The following NR6A1 variants were observed in gnomAD, a reference collection of about 807,000 sequenced individuals.
NR6A1 encodes retinoic acid receptor-related testis-associated receptor.
Under a neutral mutation model 59.1 loss-of-function variants are expected in NR6A1, and 7 were observed. That is an observed-to-expected ratio of 0.12 (90% CI 0.07 to 0.22). NR6A1 has a LOEUF of 0.22. Ranked by LOEUF, NR6A1 falls within the 10% of genes least tolerant of loss-of-function variation. NR6A1 has a pLI of 1.00. For missense variants in NR6A1, 468 were observed against 611.6 expected (o/e 0.77, Z 2.48); for synonymous variants, 243 against 236.1 (o/e 1.03, Z -0.27).
chr9:124,597,005 A>C (rs546456218), intron 2 of NR6A1, among the ~76,000 whole-genome samples: 54 of 152,338 alleles, frequency 3.5e-4, no homozygotes, highest in African/African-American at 1.3e-3. Context: ...CACACTTTAC[A>C]GCTGTATTCC....
At chr9:124,527,390 T>C (rs1564164061) in intron 7 of NR6A1, among the ~76,000 whole-genome samples, 1 of 152,256 alleles carries the variant, frequency 6.6e-6, no homozygotes, top group Non-Finnish European at 1.5e-5. Context: ...TGTATTTGCT[T>C]GTGTTAACTG....
chr9:124,716,437 TTAA>T (rs1331077363), intron 2 of NR6A1, among the ~76,000 whole-genome samples: 2 of 152,198 alleles, frequency 1.3e-5, no homozygotes, highest in Non-Finnish European at 2.9e-5. Context: ...ACAGAAAATG[TTAA>T]TCATAAATTA....
At chr9:124,566,409 AAAT>A (rs1276489046) in intron 2 of NR6A1, among the ~76,000 whole-genome samples, 1 of 152,232 alleles carries the variant, frequency 6.6e-6, no homozygotes, top group African/African-American at 2.4e-5. Flanking sequence ...AAAAAGCTGA[AAAT>A]AAAACACAGC....
chr9:124,639,133 T>C (rs1337976689), intron 2 of NR6A1, among the ~76,000 whole-genome samples: 2 of 152,194 alleles, frequency 1.3e-5, no homozygotes, highest in African/African-American at 4.8e-5. Flanking sequence ...AGTACTATTA[T>C]ATTTCTAGAT....
At chr9:124,585,700 A>G (rs115649623) in intron 2 of NR6A1, among the ~76,000 whole-genome samples, 1,572 of 152,252 alleles carry the variant, frequency 0.01, 27 homozygotes, top group African/African-American at 0.036. Flanking sequence ...AGAAGACACC[A>G]TCTACGGGCT....
intron 2 of NR6A1, among the ~76,000 whole-genome samples, chr9:124,596,278 A>G (rs1378758971): frequency 2.0e-5 from 3 of 151,872 alleles, no homozygotes; most frequent in African/African-American, 7.3e-5. Flanking sequence ...CAAAACGGAA[A>G]CTCAATGTTA....
chr9:124,637,406 G>C (rs1836640587), intron 2 of NR6A1, among the ~76,000 whole-genome samples: 1 of 152,134 alleles, frequency 6.6e-6, no homozygotes, highest in Non-Finnish European at 1.5e-5. Flanking sequence ...ACTTACTGTA[G>C]CTACCATTTA....
chr9:124,706,242 A>G (rs1839130304), intron 2 of NR6A1, among the ~76,000 whole-genome samples: 1 of 152,218 alleles, frequency 6.6e-6, no homozygotes. Flanking sequence ...CATATATGTT[A>G]TAACTTAGTA....
At chr9:124,664,554 T>C (rs1012364896) in intron 2 of NR6A1, among the ~76,000 whole-genome samples, 2 of 152,162 alleles carry the variant, frequency 1.3e-5, no homozygotes, top group South Asian at 2.1e-4. Flanking sequence ...CACCACAAAA[T>C]GTTTTACAGG....
chr9:124,767,062 C>T (rs957667270), intron 1 of NR6A1, among the ~76,000 whole-genome samples: 1 of 152,170 alleles, frequency 6.6e-6, no homozygotes, highest in Admixed American at 6.5e-5. Flanking sequence ...GGCATTTCTA[C>T]CTACCATCCT....
At chr9:124,546,697 A>G (rs1338786466) in intron 3 of NR6A1, among the ~76,000 whole-genome samples, 1 of 152,258 alleles carries the variant, frequency 6.6e-6, no homozygotes, top group African/African-American at 2.4e-5. Flanking sequence ...GTACCCATTT[A>G]GAGATGATAA....
chr9:124,579,647 C>T (rs542485673), intron 2 of NR6A1, among the ~76,000 whole-genome samples: 6 of 152,206 alleles, frequency 3.9e-5, no homozygotes, highest in Admixed American at 3.9e-4. Context: ...AACTAGAACT[C>T]TCATACATGT....
intron 2 of NR6A1, among the ~76,000 whole-genome samples, chr9:124,666,499 G>A (rs1057059221): frequency 2.6e-5 from 4 of 152,012 alleles, no homozygotes; most frequent in African/African-American, 4.8e-5. Flanking sequence ...GGCTAGTCTC[G>A]AACGCCTGGG....
At chr9:124,607,506 T>G (rs1835607837) in intron 2 of NR6A1, 1 of 152,098 alleles carries the variant, frequency 6.6e-6, no homozygotes, top group African/African-American at 2.4e-5. Context: ...AGCAAAGAAA[T>G]TCTAGGGTTA....
chr9:124,650,374 T>TA (rs889333183), intron 2 of NR6A1, among the ~76,000 whole-genome samples: 9 of 150,920 alleles, frequency 6.0e-5, no homozygotes, highest in Non-Finnish European at 8.9e-5. Context: ...CATGGGAGCT[T>TA]AAAAAAAAAC....
At chr9:124,761,332 C>T (rs191839345) in intron 1 of NR6A1, among the ~76,000 whole-genome samples, 66 of 152,312 alleles carry the variant, frequency 4.3e-4, no homozygotes, top group African/African-American at 1.5e-3. Flanking sequence ...TCTCACTGAT[C>T]TTTCAACACC....
At chr9:124,742,118 A>G (rs1397308450) in intron 1 of NR6A1, among the ~76,000 whole-genome samples, 1 of 152,234 alleles carries the variant, frequency 6.6e-6, no homozygotes, top group Non-Finnish European at 1.5e-5. Context: ...ACTGTCATAC[A>G]TGAAGAGTTT....
intron 2 of NR6A1, among the ~76,000 whole-genome samples, chr9:124,683,220 G>A (rs1838226940): frequency 6.9e-6 from 1 of 144,292 alleles, no homozygotes; most frequent in Non-Finnish European, 1.5e-5. Flanking sequence ...GAAAAGAAAG[G>A]AAGGGAAAGG....
At chr9:124,744,481 C>T (rs1840265994) in intron 1 of NR6A1, among the ~76,000 whole-genome samples, 2 of 152,224 alleles carry the variant, frequency 1.3e-5, no homozygotes, top group Admixed American at 1.3e-4. Context: ...AACAAGAGAA[C>T]TTCTATTGAA....
Sources: allele counts gnomAD v4.1 joint callset (sites outside exome capture counted in the v4.1 genomes callset), GRCh38; gene constraint gnomAD v4.1.1; transcripts MANE v1.5; gene names NCBI Gene and HGNC (gene_info 2026-07-23, HGNC 2026-07-21).